Variants in ADAM28 observed in about 807,000 individuals in gnomAD.
The protein encoded by ADAM28 is ADAM metallopeptidase domain 28.
A neutral mutation model predicts 101.2 loss-of-function variants in ADAM28; 105 were observed. The observed-to-expected ratio is 1.04, with a 90% CI of 0.89 to 1.22. The LOEUF is 1.22. Among genes scored for constraint, ADAM28 ranks in the 50% most tolerant of loss-of-function variants. The pLI, the probability that ADAM28 is intolerant of heterozygous loss-of-function variation, is 0.00. For missense variants in ADAM28, 1,028 were observed against 945.4 expected, an observed-to-expected ratio of 1.09 and a Z score of -1.15; for synonymous variants, 322 against 310.6, an observed-to-expected ratio of 1.04 and a Z score of -0.39.
At chr8:24,301,439 C>A (rs1808757148) in intron 2 of ADAM28, among the ~76,000 whole-genome samples, 2 of 151,996 alleles carry the variant, frequency 1.3e-5, no homozygotes, top group African/African-American at 4.8e-5. Flanking sequence ...ACCTGTATAA[C>A]AAACTGGCAC....
chr8:24,303,515 C>T (rs1048503714), intron 2 of ADAM28, among the ~76,000 whole-genome samples: 1 of 152,154 alleles, frequency 6.6e-6, no homozygotes, highest in African/African-American at 2.4e-5. Context: ...CTGTTTTGTA[C>T]CAGTACCATG....
In ADAM28 at chr8:24,331,285, G is replaced by T; in HGVS notation, c.1239G>T (p.Gln413His). 6.2e-7 allele frequency: 1 copy of T among 1,612,636 alleles called. No individual in the cohort carries two copies. The highest frequency in any genetic ancestry group is 8.5e-7 in the Non-Finnish European group (1 of 1,179,266). The change falls in exon 12 of 23, where the codon CAG becomes CAT. Residue 413 changes from glutamine (Q) to histidine (H), a missense_variant. Transcript: ENST00000265769. ...TATCCACTCCAATTTGTGGGAACCAGTTGGTGGAAATGGGAGAGGACTGTG... is the reference window on the plus strand; with the variant it reads ...TATCCACTCCAATTTGTGGGAACCATTTGGTGGAAATGGGAGAGGACTGTG... ...DIISTPICGNQLVEMGEDCDC... is the reference protein window; with the variant it reads ...DIISTPICGNHLVEMGEDCDC...
chr8:24,309,135 A>G lies in ADAM28; in HGVS notation c.151-759A>G, dbSNP rs76346410. Among the ~76,000 whole-genome samples the G allele has an allele frequency of 8.5e-3, 1,291 of 152,316 alleles. 24 individuals are homozygous for G. Among genetic ancestry groups the G allele is most frequent in the African/African-American group, 0.029 (1,226 of 41,578 alleles). On this transcript the variant is annotated intron_variant, in intron 2 of 22. Transcript: ENST00000265769. ...TTAAAATAATTCTGTGTAGTCCTCA[A>G]TAGCTCTCCTTATATACCAATATCC...
Position 24,308,774 on chromosome 8 carries a change from G to A in ADAM28, c.151-1120G>A, listed in dbSNP as rs370264225. 6.6e-3 allele frequency: 2,988 copies of A among 450,084 alleles called. 83 individuals are homozygous for A. Among genetic ancestry groups the A allele is most frequent in the South Asian group, 0.046 (2,903 of 63,766 alleles). The allele number at this position is 450,084 out of a possible 1,614,324, so 27.9% of individuals were successfully genotyped here. ...CAACTGAGGATTTAAGCAAAGTATG[G>A]ACTGTAAGAATTGACTTTGGAGAGG... On this transcript the variant is annotated intron_variant, in intron 2 of 22. Coordinates refer to ENST00000265769, the MANE Select transcript of ADAM28 (RefSeq NM_014265.6).
At chr8:24,304,924 A>AAAG in intron 2 of ADAM28, among the ~76,000 whole-genome samples, 1 of 148,168 alleles carries the variant, frequency 6.7e-6, no homozygotes, top group Non-Finnish European at 1.5e-5. Flanking sequence ...CTCAAAAAAA[A>AAAG]AAAAAAATAG....
rs1032215702 is a variant in ADAM28 at position 24,306,140 on chromosome 8, T to C, written c.151-3754T>C. Among the ~76,000 whole-genome samples the C allele has an allele frequency of 2.6e-4, 40 of 151,636 alleles. 1 individual carries two copies. The highest frequency in any genetic ancestry group is 6.8e-3 in the Middle Eastern group (2 of 294). On this transcript the variant is annotated intron_variant, in intron 2 of 22. Coordinates refer to ENST00000265769, the MANE Select transcript of ADAM28 (RefSeq NM_014265.6). ...ATGACGAGGTCAGGAGTTAAGAGACTAGTCCGACCAACATGGTGAAACCCT... is the reference window on the plus strand; with the variant it reads ...ATGACGAGGTCAGGAGTTAAGAGACCAGTCCGACCAACATGGTGAAACCCT...
rs145641100 is a variant in ADAM28, at chr8:24,313,470, T to C, written c.466T>C (p.Phe156Leu). The change falls in exon 6 of 23, where the codon TTC (phenylalanine) becomes CTC (leucine). Residue 156 changes from phenylalanine (F) to leucine (L), a missense_variant. Phe to Leu is a conservative substitution (Grantham distance 22, BLOSUM62 0). Coordinates refer to ENST00000265769, the MANE Select transcript of ADAM28 (RefSeq NM_014265.6). ...IHRDGQEHALFKYNPDEKNYD... is the reference protein window; with the variant it reads ...IHRDGQEHALLKYNPDEKNYD... Reference sequence around the variant, plus strand: ...TCGGGATGGACAGGAGCATGCACTCTTCAAGTATAACCCTGATGAAAAGAA... The same window carrying C: ...TCGGGATGGACAGGAGCATGCACTCCTCAAGTATAACCCTGATGAAAAGAA... 407 of 1,613,946 alleles carry C rather than the reference T, an allele frequency of 2.5e-4. No individual in the cohort carries two copies. The East Asian group carries it at 8.8e-3, about 35-fold the overall frequency.
chr8:24,320,268 GA>G lies in ADAM28; in HGVS notation c.612del (p.Lys204AsnfsTer3), dbSNP rs939605686. On this transcript the variant is annotated frameshift_variant, in exon 7 of 23. Coordinates refer to ENST00000265769, the MANE Select transcript of ADAM28 (RefSeq NM_014265.6). LOFTEE classifies it high-confidence loss of function. ...LKDRKVQEHE[K>X]YIEYYLVLDN... ...AAGACAGGAAGGTTCAGGAACATGA[GA>G]AATACATAGAATATTATTTGGTCCT... 1 of 1,602,498 alleles carries G rather than the reference GA, an allele frequency of 6.2e-7. No individual in the cohort carries two copies. The highest frequency in any genetic ancestry group is 8.5e-7 in the Non-Finnish European group (1 of 1,171,550).
rs1023094051 is a variant in ADAM28, at chr8:24,355,274, G to A, written c.*870G>A. On this transcript the variant is annotated 3_prime_UTR_variant, in exon 23 of 23. Coordinates refer to ENST00000265769, the MANE Select transcript of ADAM28 (RefSeq NM_014265.6). ...CAGACTTACATTGCCCATAGCAACC[G>A]TCAGCTTAGTTGATGGGTAATGTAG... The A allele has an allele frequency of 6.6e-6, 1 of 152,160 alleles. No individual in the cohort carries two copies. Among genetic ancestry groups the A allele is most frequent in the East Asian group, 1.9e-4 (1 of 5,200 alleles). The allele number at this position is 152,160 out of a possible 1,614,324, so 9.4% of individuals were successfully genotyped here. A position where few individuals can be genotyped will look rare whatever the true frequency, so the allele number is the denominator to read the frequency against.
In ADAM28 at chr8:24,320,240, T is replaced by G. The variant is rs773617138; in HGVS notation, c.581T>G (p.Leu194Trp). 5 of 1,589,982 alleles carry G rather than the reference T, an allele frequency of 3.1e-6. No individual in the cohort carries two copies. Among genetic ancestry groups the G allele is most frequent in the South Asian group, 1.1e-5 (1 of 88,924 alleles). Residue 194 changes from leucine (L) to tryptophan (W), a missense_variant, in exon 7 of 23, where the codon TTG becomes TGG. Leu to Trp is a moderately conservative substitution (Grantham distance 61, BLOSUM62 -2). Transcript: ENST00000265769. The part of the protein sequence containing the change: ...IALPATKLVK[L>W]KDRKVQEHEK... ...ATTCTACTCTTTATATTTCAGAAAT[T>G]GAAAGACAGGAAGGTTCAGGAACAT...
intron 1 of ADAM28, among the ~76,000 whole-genome samples, chr8:24,296,552 C>T (rs1807991759): frequency 6.6e-6 from 1 of 152,218 alleles, no homozygotes; most frequent in Non-Finnish European, 1.5e-5. Context: ...CAAAATGACC[C>T]CAAACACATG....
intron 6 of ADAM28, among the ~76,000 whole-genome samples, chr8:24,315,666 A>G (rs1811069691): frequency 6.6e-6 from 1 of 151,996 alleles, no homozygotes; most frequent in African/African-American, 2.4e-5. Flanking sequence ...TTACAAGCCC[A>G]GCATTACCTT....
In ADAM28 at chr8:24,357,067, C is replaced by T. The variant is rs1261651915; in HGVS notation, c.*2663C>T. Reference sequence around the variant, plus strand: ...CTAGCAGCCATTAAGAAAATGAGCCCCTGAGTTCAACGACCCTCAAATGAA... The same window carrying T: ...CTAGCAGCCATTAAGAAAATGAGCCTCTGAGTTCAACGACCCTCAAATGAA... On this transcript the variant is annotated 3_prime_UTR_variant, in exon 23 of 23. Transcript: ENST00000265769. 6.6e-6 allele frequency: 1 copy of T among 152,046 alleles called. No individual in the cohort carries two copies. The highest frequency in any genetic ancestry group is 1.5e-5 in the Non-Finnish European group (1 of 68,014). The allele number at this position is 152,046 out of a possible 1,614,324, so 9.4% of individuals were successfully genotyped here.
At chr8:24,321,337 T>C (rs752598391) in intron 8 of ADAM28, 48 bp downstream of exon 8, 2 of 1,435,318 alleles carry the variant, frequency 1.4e-6, no homozygotes, top group Non-Finnish European at 2.0e-6. Flanking sequence ...TGCTGGGAGA[T>C]GTCACTGGGT....
rs2129272373 is a variant in ADAM28 at position 24,313,564 on chromosome 8, C to G, written c.560C>G (p.Pro187Arg). The G allele has an allele frequency of 6.2e-7, 1 of 1,613,560 alleles. No homozygotes were observed. Among genetic ancestry groups the G allele is most frequent in the East Asian group, 2.2e-5 (1 of 44,872 alleles). The change falls in exon 6 of 23, where the codon CCT (proline) becomes CGT (arginine). Residue 187 changes from proline to arginine, a missense_variant. Pro to Arg is a moderately radical substitution (Grantham distance 103, BLOSUM62 -2). Coordinates refer to ENST00000265769, the MANE Select transcript of ADAM28 (RefSeq NM_014265.6). The part of the protein sequence containing the change: ...AHDLQQNIAL[P>R]ATKLVKLKDR... Reference sequence around the variant, plus strand: ...GATTTGCAGCAGAACATTGCCCTACCTGCCACCAAACTAGTAGTATGTGTA... The same window carrying G: ...GATTTGCAGCAGAACATTGCCCTACGTGCCACCAAACTAGTAGTATGTGTA...
At chr8:24,319,276 A>G (rs147747912) in intron 6 of ADAM28, among the ~76,000 whole-genome samples, 1 of 151,928 alleles carries the variant, frequency 6.6e-6, no homozygotes, top group African/African-American at 2.4e-5. Context: ...AATTTCACCT[A>G]TTCTGAAATA....
rs1224911331 is a variant in ADAM28, at chr8:24,294,256, C to T, written c.46+61C>T. The stretch of plus-strand genomic sequence containing the variant: ...GCATTAGCGAACTTTTCATAGTCTC[C>T]TAATAGTTTTATTGTATAAACTATT... On this transcript the variant is annotated intron_variant, in intron 1 of 22. Transcript: ENST00000265769. 1.9e-6 allele frequency: 3 copies of T among 1,546,026 alleles called. No homozygotes were observed. The East Asian group carries it at 6.7e-5, about 35-fold the overall frequency.
chr8:24,353,873 A>C (rs1196281347), intron 22 of ADAM28, 41 bp downstream of exon 22: 3 of 1,351,768 alleles, frequency 2.2e-6, no homozygotes, highest in Non-Finnish European at 2.1e-6. Context: ...CTTGTATTAT[A>C]ATCTCCTACT....
intron 7 of ADAM28, 122 bp downstream of exon 7, chr8:24,320,429 A>G: frequency 1.4e-6 from 1 of 694,282 alleles, no homozygotes; most frequent in East Asian, 2.8e-5. Context: ...CTATGGTTAC[A>G]TGTTCTTCTA....
Sources: allele counts gnomAD v4.1 joint callset (sites outside exome capture counted in the v4.1 genomes callset), GRCh38; gene constraint gnomAD v4.1.1; transcripts MANE v1.5; gene names NCBI Gene and HGNC (gene_info 2026-07-23, HGNC 2026-07-21).